Variants in AP2A2 observed in about 807,000 individuals in gnomAD.
AP2A2 encodes AP-2 complex subunit alpha-2.
Under a neutral mutation model 104.2 loss-of-function variants are expected in AP2A2, and 32 were observed. The observed-to-expected ratio is 0.31, with a 90% confidence interval of 0.23 to 0.41. The LOEUF is 0.41. AP2A2 is among the 10% of genes least tolerant of loss of function. The probability of loss-of-function intolerance (pLI) is 1.00; values close to 1 mark genes in which losing one functional copy is unlikely to be tolerated. For missense variants in AP2A2, 912 were observed against 1,261.0 expected (o/e 0.72, Z 4.19); for synonymous variants, 539 against 533.3 (o/e 1.01, Z -0.15).
intron 1 of AP2A2, among the ~76,000 whole-genome samples, chr11:957,485 C>T (rs1158524703): frequency 6.6e-6 from 1 of 152,190 alleles, no homozygotes; most frequent in Non-Finnish European, 1.5e-5. Flanking sequence ...GTCTTGTGAC[C>T]CACAGTCAGA....
At chr11:977,687 G>A (rs915823007) in intron 5 of AP2A2, among the ~76,000 whole-genome samples, 1 of 151,888 alleles carries the variant, frequency 6.6e-6, no homozygotes, top group South Asian at 2.1e-4. Context: ...AGGCACGTGT[G>A]GGGGAGGGGC....
At chr11:981,157 G>A in intron 5 of AP2A2, 41 bp from the exon 6 acceptor site, 1 of 1,528,276 alleles carries the variant, frequency 6.5e-7, no homozygotes, top group Non-Finnish European at 9.0e-7. Flanking sequence ...CAAGTGGTTA[G>A]CTTCAAGTGT....
chr11:974,682 C>CAAA (rs747053947), intron 4 of AP2A2, among the ~76,000 whole-genome samples: 7 of 49,622 alleles, frequency 1.4e-4, no homozygotes, highest in African/African-American at 2.8e-4. Flanking sequence ...GACTCTGTCT[C>CAAA]AAAAAAAAAA....
intron 1 of AP2A2, among the ~76,000 whole-genome samples, chr11:949,331 A>C (rs1047272475): frequency 2.6e-5 from 4 of 152,108 alleles, no homozygotes; most frequent in African/African-American, 9.7e-5. Context: ...AGGAGGGCAT[A>C]CTTAACTCAT....
At chr11:997,270 G>A (rs950313112) in intron 14 of AP2A2, among the ~76,000 whole-genome samples, 2 of 152,218 alleles carry the variant, frequency 1.3e-5, no homozygotes, top group Non-Finnish European at 2.9e-5. Context: ...TGTGGTGTGC[G>A]TGTCCCCGGG....
Position 1,010,601 on chromosome 11 carries a change from T to G in AP2A2, c.2796T>G (p.Cys932Trp). The G allele has an allele frequency of 6.3e-7, 1 of 1,597,932 alleles. No individual in the cohort carries two copies. The highest frequency in any genetic ancestry group is 8.5e-7 in the Non-Finnish European group (1 of 1,172,410). ...AGGAAGCCGTTTCTCAGAGATTATG[T>G]GAATTGCTCTCAGCGCAGTTTTAGT... ...TSKEAVSQRL[C>W]ELLSAQF Residue 932 changes from cysteine (C) to tryptophan (W), a missense_variant, in exon 22 of 22, where the codon TGT becomes TGG. By Grantham distance (215) the Cys-to-Trp change is radical (BLOSUM62 -2). Transcript: ENST00000448903.
chr11:1,000,168 G>GA (rs1408490527), intron 14 of AP2A2, among the ~76,000 whole-genome samples: 1 of 152,052 alleles, frequency 6.6e-6, no homozygotes, highest in Non-Finnish European at 1.5e-5. Flanking sequence ...TAGCATTTGT[G>GA]AAAAAATGTA....
Position 1,011,493 on chromosome 11 carries a change from A to C in AP2A2, c.*868A>C. ...TCCCTGGAGGGGCTGTGGAGGAGGGACGCCTCTGTGTGGTCAGGAAGTGAA... is the reference window on the plus strand; with the variant it reads ...TCCCTGGAGGGGCTGTGGAGGAGGGCCGCCTCTGTGTGGTCAGGAAGTGAA... On this transcript the variant is annotated 3_prime_UTR_variant, in exon 22 of 22. Coordinates refer to ENST00000448903, the MANE Select transcript of AP2A2 (RefSeq NM_012305.4). The C allele has an allele frequency of 2.0e-6, 1 of 494,272 alleles. No homozygotes were observed. Among genetic ancestry groups the C allele is most frequent in the Non-Finnish European group, 4.0e-6 (1 of 247,784 alleles). 30.6% of individuals were successfully genotyped at this position (494,272 alleles called of 1,614,324 possible). A position where few individuals can be genotyped will look rare whatever the true frequency, so the allele number is the denominator to read the frequency against.
chr11:998,139 T>TG (rs1855914435), intron 14 of AP2A2, among the ~76,000 whole-genome samples: 1 of 152,242 alleles, frequency 6.6e-6, no homozygotes, highest in Non-Finnish European at 1.5e-5. Context: ...CGCCTTCAGA[T>TG]GGTCTCATCG....
At chr11:986,060 G>A (rs886676172) in intron 8 of AP2A2, among the ~76,000 whole-genome samples, 1 of 152,210 alleles carries the variant, frequency 6.6e-6, no homozygotes, top group South Asian at 2.1e-4. Flanking sequence ...CTGCTCCCAC[G>A]CCTTCTCTGC....
intron 5 of AP2A2, among the ~76,000 whole-genome samples, chr11:979,194 C>T (rs1348949450): frequency 6.6e-6 from 1 of 150,784 alleles, no homozygotes; most frequent in Non-Finnish European, 1.5e-5. Flanking sequence ...AAATGAGAGG[C>T]TGAGCTCCGC....
At chr11:965,662 G>T (rs1854590213) in intron 2 of AP2A2, among the ~76,000 whole-genome samples, 1 of 152,236 alleles carries the variant, frequency 6.6e-6, no homozygotes, top group South Asian at 2.1e-4. Context: ...AGATCTGACG[G>T]TGTCTTGACG....
At chr11:979,040 T>C (rs1387623258) in intron 5 of AP2A2, among the ~76,000 whole-genome samples, 1 of 151,542 alleles carries the variant, frequency 6.6e-6, no homozygotes. Flanking sequence ...GTTGGGGGGC[T>C]GGGCCAAGGG....
intron 20 of AP2A2, 84 bp from the exon 21 acceptor site, chr11:1,009,599 G>C (rs111839787): frequency 3.7e-6 from 4 of 1,071,650 alleles, no homozygotes; most frequent in Non-Finnish European, 5.3e-6. Flanking sequence ...ACGACCCAGC[G>C]CCAGGGTCTG....
At chr11:1,003,445 C>T (rs563912904) in intron 15 of AP2A2, among the ~76,000 whole-genome samples, 54 of 152,346 alleles carry the variant, frequency 3.5e-4, no homozygotes, top group South Asian at 8.3e-4. Context: ...CGTGAGAGGC[C>T]GTTACATGTG....
chr11:972,821 A>C (rs1313820359), intron 4 of AP2A2, among the ~76,000 whole-genome samples: 1 of 152,268 alleles, frequency 6.6e-6, no homozygotes, highest in African/African-American at 2.4e-5. Flanking sequence ...AAGGGGCTTC[A>C]GCCCCGCAGG....
chr11:940,632 T>C (rs1384855515), intron 1 of AP2A2: 1 of 352,364 alleles, frequency 2.8e-6, no homozygotes, highest in Non-Finnish European at 5.6e-6. Context: ...TGTGTAAAGG[T>C]GTTTCCTTTG....
At chr11:980,821 A>G (rs1040034219) in intron 5 of AP2A2, among the ~76,000 whole-genome samples, 1 of 152,246 alleles carries the variant, frequency 6.6e-6, no homozygotes, top group Non-Finnish European at 1.5e-5. Context: ...TCTACAGTGA[A>G]CATGCGTTAT....
Position 977,168 on chromosome 11 carries a change from G to T in AP2A2, c.547G>T (p.Val183Phe). The change falls in exon 5 of 22, where the codon GTC (valine) becomes TTC (phenylalanine). Residue 183 changes from valine to phenylalanine, a missense_variant. Around this residue, in one of 7 missense-constraint regions of AP2A2, gnomAD observed 350 missense variants for 487.0 expected, o/e 0.72. Transcript: ENST00000448903. ...LRLYRTSPDL[V>F]PMGDWTSRVV... is the part of the protein sequence containing the mutation. Reference sequence around the variant, plus strand: ...CCTGTACAGGACGTCCCCCGATCTTGTCCCCATGGGCGACTGGACATCCCG... The same window carrying T: ...CCTGTACAGGACGTCCCCCGATCTTTTCCCCATGGGCGACTGGACATCCCG... The T allele has an allele frequency of 1.2e-6, 2 of 1,612,938 alleles. No homozygotes were observed. The highest frequency in any genetic ancestry group is 1.3e-5 in the African/African-American group (1 of 75,042).
Sources: allele counts gnomAD v4.1 joint callset (sites outside exome capture counted in the v4.1 genomes callset), GRCh38; gene constraint gnomAD v4.1.1; regional missense constraint gnomAD v4.1.1; transcripts MANE v1.5; gene names NCBI Gene and HGNC (gene_info 2026-07-23, HGNC 2026-07-21).